ANK2: variants seen among roughly 807,000 people sequenced by gnomAD.
ANK2 encodes the protein ankyrin-2.
Under a neutral mutation model 360.5 loss-of-function variants are expected in ANK2, and 83 were observed. The observed-to-expected ratio is 0.23, with a 90% CI of 0.19 to 0.28. ANK2 has a LOEUF of 0.28. Among genes scored for constraint, ANK2 ranks in the 10% least tolerant of loss-of-function variants. The pLI, the probability that ANK2 is intolerant of heterozygous loss-of-function variation, is 1.00. For synonymous variants in ANK2, 1,740 were observed against 1,759.5 expected (o/e 0.99, Z 0.28); for missense variants, 4,201 against 4,795.7 (o/e 0.88, Z 3.66).
intron 35 of ANK2, chr4:113,347,953 A>T (rs1264914696): frequency 5.8e-6 from 2 of 345,748 alleles, no homozygotes; most frequent in Non-Finnish European, 5.4e-6. Context: ...GGATATTATC[A>T]TCACTATTTC....
At chr4:113,344,641 G>T (rs1181670257) in intron 34 of ANK2, among the ~76,000 whole-genome samples, 1 of 152,046 alleles carries the variant, frequency 6.6e-6, no homozygotes, top group African/African-American at 2.4e-5. Flanking sequence ...CAACCCAAAA[G>T]TCCAAAGGTC....
chr4:113,271,364 A>G (rs76328663), intron 14 of ANK2, among the ~76,000 whole-genome samples: 4,196 of 152,180 alleles, frequency 0.028, 174 homozygotes, highest in East Asian at 0.2. Context: ...CCCCCAAATG[A>G]GGGATGGCTG....
intron 13 of ANK2, 77 bp downstream of exon 13, chr4:113,258,488 G>A (rs1019749459): frequency 1.4e-6 from 2 of 1,395,172 alleles, no homozygotes; most frequent in Admixed American, 3.4e-5. Flanking sequence ...GTGTATGTGT[G>A]TTTGCGTGTA....
chr4:112,985,605 G>C (rs1246840015), intron 2 of ANK2, among the ~76,000 whole-genome samples: 1 of 152,152 alleles, frequency 6.6e-6, no homozygotes, highest in African/African-American at 2.4e-5. Flanking sequence ...GACCTGGTTG[G>C]TTTCAGTGTT....
rs752841046 is a variant in ANK2, at chr4:113,355,336, C to T, written c.6718C>T (p.Pro2240Ser). ...SYKHEGLAET[P>S]ETSPESLSFS... ...TAAGCATGAAGGCCTAGCAGAGACC[C>T]CTGAGACGAGCCCAGAAAGCCTTTC... is the stretch of plus-strand genomic sequence containing the variant. Residue 2240 changes from proline (P) to serine (S), a missense_variant, in exon 38 of 46, where the codon CCT (proline) becomes TCT (serine). Around this residue, in one of 4 missense-constraint regions of ANK2, gnomAD observed 2,642 missense variants for 2,714.5 expected, o/e 0.97. Coordinates refer to ENST00000357077, the MANE Select transcript of ANK2 (RefSeq NM_001148.6). The T allele has an allele frequency of 1.2e-6, 2 of 1,613,788 alleles. No homozygotes were observed. The highest frequency in any genetic ancestry group is 1.6e-4 in the Middle Eastern group (1 of 6,082).
At chr4:113,189,382 C>G (rs1303090798) in intron 2 of ANK2, among the ~76,000 whole-genome samples, 1 of 152,110 alleles carries the variant, frequency 6.6e-6, no homozygotes, top group Admixed American at 6.5e-5. Context: ...GATCGGAAGT[C>G]ATTGTAATGC....
At chr4:112,957,644 C>T (rs1390252670) in intron 2 of ANK2, among the ~76,000 whole-genome samples, 5 of 150,556 alleles carry the variant, frequency 3.3e-5, no homozygotes, top group African/African-American at 9.8e-5. Flanking sequence ...GGGCGGGGGG[C>T]TGACCCCCCC....
At chr4:112,851,629 CTTTT>C (rs201925948) in intron 1 of ANK2, among the ~76,000 whole-genome samples, 1 of 145,318 alleles carries the variant, frequency 6.9e-6, no homozygotes, top group Admixed American at 6.9e-5. Context: ...TTTTCTTTTT[CTTTT>C]TTTTTTTTGA....
At chr4:112,806,476 C>T in the ANK2 span, among the ~76,000 whole-genome samples, 1 of 152,190 alleles carries the variant, frequency 6.6e-6, no homozygotes, top group African/African-American at 2.4e-5. Context: ...AGGTTGATTC[C>T]AAATCTTGGC....
intron 2 of ANK2, among the ~76,000 whole-genome samples, chr4:113,015,402 A>G (rs1297051808): frequency 6.6e-6 from 1 of 152,192 alleles, no homozygotes; most frequent in South Asian, 2.1e-4. Flanking sequence ...TGACATTTCA[A>G]AGGGTCTTGC....
chr4:112,744,036 C>T, the ANK2 span, among the ~76,000 whole-genome samples: 2 of 151,828 alleles, frequency 1.3e-5, no homozygotes, highest in South Asian at 4.2e-4. Flanking sequence ...TGGGGTTTCG[C>T]CATGTTGGCC....
At chr4:113,244,380 A>G (rs1243290910) in intron 9 of ANK2, among the ~76,000 whole-genome samples, 2 of 152,200 alleles carry the variant, frequency 1.3e-5, no homozygotes, top group African/African-American at 4.8e-5. Context: ...TAAAAGTTTA[A>G]TAATAGGTTC....
intron 45 of ANK2, 21 bp from the exon 46 acceptor site, chr4:113,381,436 C>T: frequency 1.9e-6 from 3 of 1,614,070 alleles, no homozygotes; most frequent in Non-Finnish European, 2.5e-6. Context: ...GCGTAATTCT[C>T]TCTTGTCTGC....
intron 2 of ANK2, among the ~76,000 whole-genome samples, chr4:113,034,196 G>A (rs2061074292): frequency 1.3e-5 from 2 of 151,956 alleles, no homozygotes; most frequent in South Asian, 4.1e-4. Flanking sequence ...ATTATATCAA[G>A]AGCGGAAATC....
chr4:113,192,291 C>CT (rs2098678680), intron 2 of ANK2, among the ~76,000 whole-genome samples: 1 of 152,138 alleles, frequency 6.6e-6, no homozygotes, highest in South Asian at 2.1e-4. Flanking sequence ...CCAAGATGAC[C>CT]TCCTGTCTCA....
chr4:113,211,450 G>GT (rs903815025), intron 4 of ANK2, among the ~76,000 whole-genome samples: 28 of 152,142 alleles, frequency 1.8e-4, no homozygotes, highest in Middle Eastern at 3.4e-3. Context: ...ATTTCTTGAA[G>GT]TTTTTTTTAG....
At chr4:113,286,756 A>T (rs1198220875) in intron 18 of ANK2, among the ~76,000 whole-genome samples, 1 of 152,172 alleles carries the variant, frequency 6.6e-6, no homozygotes, top group Non-Finnish European at 1.5e-5. Context: ...ATACAGTATA[A>T]ATATACTGTA....
the ANK2 span, among the ~76,000 whole-genome samples, chr4:112,792,283 C>T: frequency 4.6e-5 from 7 of 152,100 alleles, no homozygotes; most frequent in South Asian, 2.1e-4. Flanking sequence ...TCAGGCTATC[C>T]GCCCACCTCA....
intron 1 of ANK2, among the ~76,000 whole-genome samples, chr4:113,055,531 A>G (rs898658893): frequency 4.6e-5 from 7 of 152,374 alleles, no homozygotes; most frequent in African/African-American, 1.7e-4. Context: ...TTAGTTTATT[A>G]CTTGGCTCTT....
Sources: allele counts gnomAD v4.1 joint callset (sites outside exome capture counted in the v4.1 genomes callset), GRCh38; gene constraint gnomAD v4.1.1; regional missense constraint gnomAD v4.1.1; transcripts MANE v1.5; gene names NCBI Gene and HGNC (gene_info 2026-07-23, HGNC 2026-07-21).